CNGA4: variants seen among roughly 807,000 people sequenced by gnomAD.
CNGA4 encodes cyclic nucleotide gated channel subunit alpha 4.
A neutral mutation model predicts 45.6 loss-of-function variants in CNGA4; 32 were observed. That is an observed-to-expected ratio of 0.70 (90% CI 0.53 to 0.94). CNGA4 has a LOEUF of 0.94. Among genes scored for constraint, CNGA4 ranks in the 40% least tolerant of loss-of-function variants. The probability of loss-of-function intolerance (pLI) is 0.00; values close to 1 mark genes in which losing one functional copy is unlikely to be tolerated. For missense variants in CNGA4, 726 were observed against 755.1 expected, an observed-to-expected ratio of 0.96 and a Z score of 0.45; for synonymous variants, 293 against 304.6, an observed-to-expected ratio of 0.96 and a Z score of 0.40.
At chr11:6,235,846 G>A (rs1847827394), upstream of CNGA4, among the ~76,000 whole-genome samples, 2 of 152,030 alleles carry the variant, frequency 1.3e-5, no homozygotes, top group Admixed American at 6.5e-5. Flanking sequence ...GGCTGGGGCA[G>A]GAGAATCGCT....
At chr11:6,243,873 G>A in intron 5 of CNGA4, 76 bp from the exon 6 acceptor site, 1 of 1,331,972 alleles carries the variant, frequency 7.5e-7, no homozygotes. Context: ...GGAGGTGAAG[G>A]TCCTGGTTCA....
Position 6,240,790 on chromosome 11 carries a change from G to C in CNGA4, c.917+79G>C. On this transcript the variant is annotated intron_variant, in intron 4 of 5. Coordinates refer to ENST00000379936, the MANE Select transcript of CNGA4 (RefSeq NM_001037329.4). The surrounding 1 kb of genome is among the most constrained non-coding windows in gnomAD (Gnocchi z 4.9). ...TGAGGGAGGTAACTGGGTCCTTAGT[G>C]CCTGGTGAGCCAGGCAAGGCTGTCA... 6.6e-7 allele frequency: 1 copy of C among 1,515,376 alleles called. No homozygotes were observed. The highest frequency in any genetic ancestry group is 1.4e-5 in the African/African-American group (1 of 72,694). 93.9% of individuals were successfully genotyped at this position (1,515,376 alleles called of 1,614,324 possible).
Position 6,244,418 on chromosome 11 carries a change from C to G in CNGA4, c.*9C>G. On this transcript the variant is annotated 3_prime_UTR_variant, in exon 6 of 6. Coordinates refer to ENST00000379936, the MANE Select transcript of CNGA4 (RefSeq NM_001037329.4). The surrounding 1 kb of genome is among the most constrained non-coding windows in gnomAD (Gnocchi z 4.5). ...CCCCAGGTCCAGAGTGACCCCATCC[C>G]CATCCCCAGGATTCCCACCTCCTAG... The G allele has an allele frequency of 6.3e-7, 1 of 1,598,402 alleles. No homozygotes were observed. Among genetic ancestry groups the G allele is most frequent in the South Asian group, 1.1e-5 (1 of 89,330 alleles).
In CNGA4 at chr11:6,240,079, G is replaced by C. The variant is rs756063073; in HGVS notation, c.285G>C (p.Gln95His). 1.7e-5 allele frequency: 27 copies of C among 1,609,156 alleles called. No homozygotes were observed. The highest frequency in any genetic ancestry group is 2.3e-5 in the Non-Finnish European group (27 of 1,177,404). ...VVRFHTGFLEQGILVVDKGRI... is the reference protein window; with the variant it reads ...VVRFHTGFLEHGILVVDKGRI... ...CCCTCTCCCCAGGATTCTTGGAACA[G>C]GGCATCCTGGTGGTGGACAAGGGTA... The change falls in exon 4 of 6, where the codon CAG becomes CAC. Residue 95 changes from glutamine to histidine, a missense_variant. By Grantham distance (24) the Gln-to-His change is conservative. Coordinates refer to ENST00000379936, the MANE Select transcript of CNGA4 (RefSeq NM_001037329.4). This position sits in a 1 kb window ranked among gnomAD's most constrained non-coding sequence, Gnocchi z 4.9.
In CNGA4 at chr11:6,240,329, G is replaced by A. The variant is rs1255071797; in HGVS notation, c.535G>A (p.Val179Ile). Reference sequence around the variant, plus strand: ...CAAGCTGATGCTTTACATTTTTGTCGTCATCCATTGGAACAGCTGCCTATA... The same window carrying A: ...CAAGCTGATGCTTTACATTTTTGTCATCATCCATTGGAACAGCTGCCTATA... Reference protein sequence around the residue: ...IAKLMLYIFVVIHWNSCLYFA... With the variant: ...IAKLMLYIFVIIHWNSCLYFA... Residue 179 changes from valine to isoleucine, a missense_variant, in exon 4 of 6, where the codon GTC becomes ATC. Coordinates refer to ENST00000379936, the MANE Select transcript of CNGA4 (RefSeq NM_001037329.4). This position sits in a 1 kb window ranked among gnomAD's most constrained non-coding sequence, Gnocchi z 4.9. The A allele has an allele frequency of 8.1e-6, 13 of 1,614,184 alleles. No individual in the cohort carries two copies. The highest frequency in any genetic ancestry group is 1.1e-5 in the Non-Finnish European group (13 of 1,180,032).
rs768804462 is a variant in CNGA4 at position 6,244,298 on chromosome 11, G to A, written c.1617G>A (p.Trp539Ter). 2 of 1,614,140 alleles carry A rather than the reference G, an allele frequency of 1.2e-6. No individual in the cohort carries two copies. The highest frequency in any genetic ancestry group is 1.7e-6 in the Non-Finnish European group (2 of 1,180,020). Residue 539 changes from tryptophan (W) to a stop codon, truncating the protein, a stop_gained, in exon 6 of 6, where the codon TGG (tryptophan) becomes TGA (stop). Coordinates refer to ENST00000379936, the MANE Select transcript of CNGA4 (RefSeq NM_001037329.4). LOFTEE classifies it low-confidence loss of function (END_TRUNC). This position sits in a 1 kb window ranked among gnomAD's most constrained non-coding sequence, Gnocchi z 4.5. ...GGCTGGAGTGGCAGACTCGAGAGTGGCCAATGCCCGAGGACCTGGCTGAGG... is the reference window on the plus strand; with the variant it reads ...GGCTGGAGTGGCAGACTCGAGAGTGACCAATGCCCGAGGACCTGGCTGAGG... ...IERLEWQTRE[W>*]PMPEDLAEAD...
rs185277077 is a variant in CNGA4, at chr11:6,241,695, C to T, written c.1182C>T (p.Ala394=). The change falls in exon 5 of 6, where the codon GCC becomes GCT. Residue 394 remains alanine (A), a synonymous_variant. Transcript: ENST00000379936. ...EMYIIREGQL[A]VVADDGITQY... is the part of the protein sequence containing the mutation. The stretch of plus-strand genomic sequence containing the variant: ...ACATCATCCGAGAGGGTCAACTGGC[C>T]GTGGTGGCAGATGATGGTATCACAC... 88 of 1,614,128 alleles carry T rather than the reference C, an allele frequency of 5.5e-5. No individual in the cohort carries two copies. The African/African-American group carries it at 7.9e-4, about 14-fold the overall frequency.
chr11:6,244,409 A>ACCCCAT lies in CNGA4; in HGVS notation c.*12_*17dup, dbSNP rs758145756. 15 of 1,604,436 alleles carry ACCCCAT rather than the reference A, an allele frequency of 9.3e-6. No individual in the cohort carries two copies. The highest frequency in any genetic ancestry group is 1.2e-5 in the Non-Finnish European group (14 of 1,174,782). On this transcript the variant is annotated 3_prime_UTR_variant, in exon 6 of 6. Transcript: ENST00000379936. This position sits in a 1 kb window ranked among gnomAD's most constrained non-coding sequence, Gnocchi z 4.5. Reference sequence around the variant, plus strand: ...AGGAGGGACCCCCAGGTCCAGAGTGACCCCATCCCCATCCCCAGGATTCCC... The same window carrying ACCCCAT: ...AGGAGGGACCCCCAGGTCCAGAGTGACCCCATCCCCATCCCCATCCCCAGGATTCCC...
rs1299063697 is a variant in CNGA4 at position 6,241,469 on chromosome 11, AG to A, written c.958del (p.Val320Ter). On this transcript the variant is annotated frameshift_variant, in exon 5 of 6. Transcript: ENST00000379936. LOFTEE classifies it high-confidence loss of function. Reference sequence around the variant, plus strand: ...CAGATCAACAAGAAGATGACCAACGAGGTAGCCATCTTACAGCACTTGCCTG... The same window carrying A: ...CAGATCAACAAGAAGATGACCAACGAGTAGCCATCTTACAGCACTTGCCTG... ...HLQINKKMTNEVAILQHLPER... is the reference protein window; with the variant it reads ...HLQINKKMTNXVAILQHLPER... The A allele has an allele frequency of 6.2e-7, 1 of 1,601,670 alleles. No individual in the cohort carries two copies. Among genetic ancestry groups the A allele is most frequent in the South Asian group, 1.1e-5 (1 of 89,816 alleles).
chr11:6,235,400 C>G (rs550641052), upstream of CNGA4: 7 of 856,640 alleles, frequency 8.2e-6, no homozygotes, highest in South Asian at 1.6e-4. Flanking sequence ...CAATTAGAAC[C>G]GGCCTCTGCT....
chr11:6,238,613 TG>T (rs1322828702), upstream of CNGA4, among the ~76,000 whole-genome samples: 1 of 152,090 alleles, frequency 6.6e-6, no homozygotes, highest in Non-Finnish European at 1.5e-5. Flanking sequence ...AATGGTGTGA[TG>T]GGGGAAGGCG....
At position 6,239,243 on chromosome 11, in the gene CNGA4, A is replaced by T; in HGVS notation, c.37A>T (p.Ser13Cys). The part of the protein sequence containing the change: ...QDTKVKTTES[S>C]PPAPSKARKL... ...CACCAAAGTGAAGACAACAGAGTCC[A>T]GTCCCCCAGCCCCATCCAAGGCCAG... is the stretch of plus-strand genomic sequence containing the variant. Residue 13 changes from serine (S) to cysteine (C), a missense_variant, in exon 1 of 6, where the codon AGT (serine) becomes TGT (cysteine). By Grantham distance (112) the Ser-to-Cys change is moderately radical (BLOSUM62 -1). Transcript: ENST00000379936. 1.2e-6 allele frequency: 2 copies of T among 1,614,174 alleles called. No homozygotes were observed. The highest frequency in any genetic ancestry group is 1.7e-6 in the Non-Finnish European group (2 of 1,180,014).
upstream of CNGA4, among the ~76,000 whole-genome samples, chr11:6,235,232 G>T (rs1847814002): frequency 6.6e-6 from 1 of 152,302 alleles, no homozygotes; most frequent in Middle Eastern, 3.4e-3. Flanking sequence ...AGTTCATTTT[G>T]CTCCATCGTC....
chr11:6,241,897 G>C, intron 5 of CNGA4, 117 bp downstream of exon 5: 3 of 893,660 alleles, frequency 3.4e-6, no homozygotes, highest in Non-Finnish European at 5.2e-6. Flanking sequence ...GAGGAAACCT[G>C]GCCCTTCTCT....
upstream of CNGA4, chr11:6,235,387 G>A (rs537753660): frequency 2.6e-6 from 2 of 768,612 alleles, no homozygotes; most frequent in Non-Finnish European, 1.6e-6. Flanking sequence ...CTGGATTCCG[G>A]ATCAATTAGA....
At chr11:6,242,008 A>C (rs1847926730) in intron 5 of CNGA4, 3 of 573,842 alleles carry the variant, frequency 5.2e-6, no homozygotes, top group African/African-American at 1.9e-5. Flanking sequence ...CGTGGAAGAG[A>C]GAGTAGACTT....
chr11:6,244,261 AC>A lies in CNGA4; in HGVS notation c.1582del (p.Arg528AlafsTer60). 1 of 1,614,178 alleles carries A rather than the reference AC, an allele frequency of 6.2e-7. No individual in the cohort carries two copies. The highest frequency in any genetic ancestry group is 8.5e-7 in the Non-Finnish European group (1 of 1,180,024). On this transcript the variant is annotated frameshift_variant, in exon 6 of 6. Transcript: ENST00000379936. LOFTEE classifies it low-confidence loss of function (END_TRUNC). The surrounding 1 kb of genome is among the most constrained non-coding windows in gnomAD (Gnocchi z 4.5). ...GAGTCCAGCGCACTTAAGATTGCTT[AC>A]CGCATTGAACGGCTGGAGTGGCAGA... Reference protein sequence around the residue: ...ELESSALKIAYRIERLEWQTR... With the variant: ...ELESSALKIAXRIERLEWQTR...
rs1209573065 is a variant in CNGA4 at position 6,240,308 on chromosome 11, C to G, written c.514C>G (p.Leu172Val). The change falls in exon 4 of 6, where the codon CTG becomes GTG. Residue 172 changes from leucine (L) to valine (V), a missense_variant. Transcript: ENST00000379936. This position sits in a 1 kb window ranked among gnomAD's most constrained non-coding sequence, Gnocchi z 4.9. ...CCCAAATGCCTTTCGCATTGCCAAG[C>G]TGATGCTTTACATTTTTGTCGTCAT... is the stretch of plus-strand genomic sequence containing the variant. ...AYPNAFRIAK[L>V]MLYIFVVIHW... is the part of the protein sequence containing the mutation. 2 of 1,614,198 alleles carry G rather than the reference C, an allele frequency of 1.2e-6. No individual in the cohort carries two copies. Among genetic ancestry groups the G allele is most frequent in the Non-Finnish European group, 1.7e-6 (2 of 1,180,026 alleles).
At position 6,244,419 on chromosome 11, in the gene CNGA4, C is replaced by T. The variant is rs763600874; in HGVS notation, c.*10C>T. On this transcript the variant is annotated 3_prime_UTR_variant, in exon 6 of 6. Coordinates refer to ENST00000379936, the MANE Select transcript of CNGA4 (RefSeq NM_001037329.4). The surrounding 1 kb of genome is among the most constrained non-coding windows in gnomAD (Gnocchi z 4.5). The stretch of plus-strand genomic sequence containing the variant: ...CCCAGGTCCAGAGTGACCCCATCCC[C>T]ATCCCCAGGATTCCCACCTCCTAGT... 27 of 1,597,384 alleles carry T rather than the reference C, an allele frequency of 1.7e-5. No individual in the cohort carries two copies. In the South Asian group the frequency reaches 2.9e-4, roughly 17 times the overall value.
Sources: gnomAD v4.1 joint callset for allele counts (sites outside exome capture counted in the v4.1 genomes callset) on GRCh38, gnomAD v4.1.1 for gene constraint, Gnocchi (gnomAD v3.1) non-coding constraint, MANE v1.5 for transcripts, NCBI Gene and HGNC (gene_info 2026-07-23, HGNC 2026-07-21) for gene names.